The following KAT7 variants were observed in gnomAD, a reference collection of about 807,000 sequenced individuals.
The protein encoded by KAT7 is lysine acetyltransferase 7, also known as histone acetyltransferase KAT7.
KAT7 carries 10 observed loss-of-function variants against 82.1 expected under a neutral mutation model. That is an observed-to-expected ratio of 0.12 (90% confidence interval 0.08 to 0.21). The LOEUF (loss-of-function observed/expected upper bound fraction) is 0.21, where lower values mean the gene tolerates loss of function less well. Among genes scored for constraint, KAT7 ranks in the 10% least tolerant of loss-of-function variants. The pLI is 1.00. For missense variants in KAT7, 378 were observed against 760.9 expected (o/e 0.50, Z 5.92); for synonymous variants, 250 against 262.5 (o/e 0.95, Z 0.46).
Position 49,826,878 on chromosome 17 carries a change from G to C in KAT7, c.1734+79G>C, listed in dbSNP as rs554855317. On this transcript the variant is annotated intron_variant, in intron 14 of 14. Transcript: ENST00000259021. ...AGAGCAAAGTATGGGCCTTAAGACT[G>C]GAGAACCTTCCCTTAAAGGAGTTGG... 6.8e-5 allele frequency: 61 copies of C among 893,004 alleles called. 1 individual carries two copies. The South Asian group carries it at 8.6e-4, about 13-fold the overall frequency. The allele number at this position is 893,004 out of a possible 1,614,324, so 55.3% of individuals were successfully genotyped here.
chr17:49,796,085 A>G (rs1011319924), intron 2 of KAT7, among the ~76,000 whole-genome samples: 1 of 152,078 alleles, frequency 6.6e-6, no homozygotes, highest in East Asian at 1.9e-4. Flanking sequence ...CAGGTTGGAG[A>G]TATAAAAGGG....
Position 49,825,993 on chromosome 17 carries a change from C to T in KAT7, c.1481-7C>T. The T allele has an allele frequency of 1.2e-6, 2 of 1,606,572 alleles. No individual in the cohort carries two copies. Among genetic ancestry groups the T allele is most frequent in the Non-Finnish European group, 8.5e-7 (1 of 1,175,010 alleles). ...GCTAGAAAAAGTCTGTATTTGTTCCCTGGCAGGTTATTTGCTTTCCAAAGT... is the reference window on the plus strand; with the variant it reads ...GCTAGAAAAAGTCTGTATTTGTTCCTTGGCAGGTTATTTGCTTTCCAAAGT... On this transcript the variant is annotated splice_region_variant and splice_polypyrimidine_tract_variant and intron_variant, in intron 12 of 14. Coordinates refer to ENST00000259021, the MANE Select transcript of KAT7 (RefSeq NM_007067.5).
At chr17:49,823,662 A>G (rs751762573) in intron 12 of KAT7, 17 of 185,408 alleles carry the variant, frequency 9.2e-5, no homozygotes, top group South Asian at 2.4e-4. Context: ...CATGTACCCA[A>G]TGGACCCTGT....
intron 4 of KAT7, among the ~76,000 whole-genome samples, chr17:49,802,272 GA>G (rs1302151851): frequency 6.6e-6 from 1 of 152,140 alleles, no homozygotes; most frequent in Non-Finnish European, 1.5e-5. Flanking sequence ...CAGAGCAGTG[GA>G]ATTTTTAGGT....
chr17:49,788,736 G>T lies in KAT7; in HGVS notation c.-99G>T. 1 of 1,344,688 alleles carries T rather than the reference G, an allele frequency of 7.4e-7. No homozygotes were observed. Among genetic ancestry groups the T allele is most frequent in the Non-Finnish European group, 1.0e-6 (1 of 978,330 alleles). The allele number at this position is 1,344,688 out of a possible 1,614,324, so 83.3% of individuals were successfully genotyped here. ...GGCACTAGGGATCGTCCGCAGGATT[G>T]GGACTGATACAGAGGCCGCCACGGA... On this transcript the variant is annotated 5_prime_UTR_variant, in exon 1 of 15. Coordinates refer to ENST00000259021, the MANE Select transcript of KAT7 (RefSeq NM_007067.5).
chr17:49,814,285 T>C (rs529728394), intron 7 of KAT7, among the ~76,000 whole-genome samples: 5 of 152,174 alleles, frequency 3.3e-5, no homozygotes, highest in Non-Finnish European at 5.9e-5. Flanking sequence ...TGGGGTGAAT[T>C]TGTAGTTAGA....
chr17:49,812,115 C>T (rs1567858016), intron 7 of KAT7, among the ~76,000 whole-genome samples: 2 of 151,972 alleles, frequency 1.3e-5, no homozygotes. Context: ...ATCCTACTAC[C>T]TAAAAATAGC....
chr17:49,816,843 G>T (rs1337827274), intron 8 of KAT7, among the ~76,000 whole-genome samples: 1 of 150,902 alleles, frequency 6.6e-6, no homozygotes, highest in Non-Finnish European at 1.5e-5. Flanking sequence ...ACAGGGTTTT[G>T]CCCTGTTGCC....
At chr17:49,827,254 A>G in intron 14 of KAT7, 147 bp from the exon 15 acceptor site, 1 of 609,520 alleles carries the variant, frequency 1.6e-6, no homozygotes, top group South Asian at 2.1e-5. Flanking sequence ...AAAGCAGTTT[A>G]TAAGTCAAAA....
Position 49,792,005 on chromosome 17 carries a change from C to G in KAT7, c.135C>G (p.Ser45=), listed in dbSNP as rs756367843. The G allele has an allele frequency of 1.9e-6, 3 of 1,614,020 alleles. No homozygotes were observed. Among genetic ancestry groups the G allele is most frequent in the South Asian group, 2.2e-5 (2 of 91,078 alleles). ...GACGATCTGCTCGAGTCACCCGCTC[C>G]TCAGCCAGGCTAAGCCAGAGTTCTC... ...TSRRSARVTR[S]SARLSQSSQD... Residue 45 remains serine, a synonymous_variant, in exon 2 of 15, where the codon TCC becomes TCG. Transcript: ENST00000259021.
At chr17:49,798,184 C>T in intron 3 of KAT7, 135 bp from the exon 4 acceptor site, 1 of 714,284 alleles carries the variant, frequency 1.4e-6, no homozygotes, top group South Asian at 1.9e-5. Context: ...TCCATTTAGC[C>T]ATCTAGCAGA....
At chr17:49,820,563 G>A (rs575204231) in intron 9 of KAT7, among the ~76,000 whole-genome samples, 1 of 152,226 alleles carries the variant, frequency 6.6e-6, no homozygotes, top group African/African-American at 2.4e-5. Context: ...ACAGGCGTGA[G>A]CCACCGCATC....
intron 4 of KAT7, among the ~76,000 whole-genome samples, chr17:49,798,988 T>C (rs2073990493): frequency 6.6e-6 from 1 of 152,230 alleles, no homozygotes; most frequent in African/African-American, 2.4e-5. Flanking sequence ...GGCTGTGAAA[T>C]TAGGAGTACA....
chr17:49,811,409 G>A, intron 6 of KAT7, 67 bp from the exon 7 acceptor site: 1 of 819,366 alleles, frequency 1.2e-6, no homozygotes, highest in Non-Finnish European at 1.9e-6. Context: ...GCCGGGCCTT[G>A]GCACTTTCAT....
At chr17:49,803,273 T>C (rs2074047966) in intron 4 of KAT7, among the ~76,000 whole-genome samples, 2 of 151,702 alleles carry the variant, frequency 1.3e-5, no homozygotes, top group African/African-American at 4.9e-5. Flanking sequence ...CATGCTGGTC[T>C]AATTTTTATA....
chr17:49,800,726 G>C (rs2074014013), intron 4 of KAT7, among the ~76,000 whole-genome samples: 1 of 152,136 alleles, frequency 6.6e-6, no homozygotes, highest in Admixed American at 6.5e-5. Flanking sequence ...CCCTCATGGA[G>C]CTTATAGTCT....
chr17:49,817,177 T>C (rs937016915), intron 8 of KAT7, among the ~76,000 whole-genome samples: 2 of 152,190 alleles, frequency 1.3e-5, no homozygotes, highest in Non-Finnish European at 2.9e-5. Context: ...GAATACTTTA[T>C]AAGGGTGGGG....
chr17:49,820,396 A>T (rs187124636), intron 9 of KAT7, among the ~76,000 whole-genome samples: 23 of 151,638 alleles, frequency 1.5e-4, no homozygotes, highest in African/African-American at 5.6e-4. Flanking sequence ...CTTCTGCCTC[A>T]GCCTCCAGAG....
intron 6 of KAT7, among the ~76,000 whole-genome samples, chr17:49,810,870 A>G (rs541046904): frequency 1.3e-5 from 2 of 152,172 alleles, no homozygotes; most frequent in South Asian, 4.1e-4. Context: ...GTGGTGGTGT[A>G]CACCTGTAGT....
Sources: gnomAD v4.1 joint callset for allele counts (sites outside exome capture counted in the v4.1 genomes callset) on GRCh38, gnomAD v4.1.1 for gene constraint, MANE v1.5 for transcripts, NCBI Gene and HGNC (gene_info 2026-07-23, HGNC 2026-07-21) for gene names.